Variants in CKMT2 observed in about 807,000 individuals in gnomAD.
CKMT2 encodes the protein creatine kinase S-type, mitochondrial.
A neutral mutation model predicts 48.9 loss-of-function variants in CKMT2; 43 were observed. The ratio of observed to expected loss-of-function variants is 0.88; its 90% CI spans 0.69 to 1.13. The LOEUF (loss-of-function observed/expected upper bound fraction) is 1.13. CKMT2 is among the 50% of genes most tolerant of loss of function. CKMT2 has a pLI of 0.00. For synonymous variants in CKMT2, 206 were observed against 213.0 expected (o/e 0.97, Z 0.29); for missense variants, 472 against 555.4 (o/e 0.85, Z 1.51).
At chr5:81,260,498 A>G (rs746329664) in intron 8 of CKMT2, among the ~76,000 whole-genome samples, 2 of 152,218 alleles carry the variant, frequency 1.3e-5, no homozygotes, top group Non-Finnish European at 2.9e-5. Context: ...AGAGAGAAGA[A>G]TCAAACAGAC....
intron 2 of CKMT2, 110 bp from the exon 3 acceptor site, chr5:81,252,585 G>T: frequency 9.2e-7 from 1 of 1,084,538 alleles, no homozygotes. Flanking sequence ...GTATCCCTGT[G>T]CCCACTGGCT....
At chr5:81,244,500 T>A (rs1385666173) in intron 1 of CKMT2, among the ~76,000 whole-genome samples, 1 of 152,204 alleles carries the variant, frequency 6.6e-6, no homozygotes, top group Non-Finnish European at 1.5e-5. Flanking sequence ...CATTGGAGCC[T>A]CTACACTACA....
rs1236564555 is a variant in CKMT2, at chr5:81,259,267, G to T, written c.1014+13G>T. On this transcript the variant is annotated intron_variant, in intron 8 of 9. Transcript: ENST00000254035. ...AAAGCTCAGCAAGGTACTGTTATGT[G>T]CCCAGTGGCCCTGATGGGCCAGGAT... 2.5e-6 allele frequency: 4 copies of T among 1,609,416 alleles called. No individual in the cohort carries two copies. Among genetic ancestry groups the T allele is most frequent in the Non-Finnish European group, 3.4e-6 (4 of 1,177,818 alleles).
intron 2 of CKMT2, 21 bp from the exon 3 acceptor site, chr5:81,252,674 C>A: frequency 6.2e-7 from 1 of 1,612,686 alleles, no homozygotes; most frequent in Non-Finnish European, 8.5e-7. Flanking sequence ...TGGCTGACAG[C>A]CTGCCCTCCT....
At chr5:81,238,722 C>G (rs1756333091) in intron 1 of CKMT2, 1 of 152,478 alleles carries the variant, frequency 6.6e-6, no homozygotes, top group South Asian at 2.1e-4. Flanking sequence ...TCCACTGTAT[C>G]TGGAAAGTCC....
chr5:81,258,318 G>A (rs146950190), intron 7 of CKMT2, among the ~76,000 whole-genome samples: 181 of 152,270 alleles, frequency 1.2e-3, no homozygotes, highest in South Asian at 9.7e-3. Flanking sequence ...AAGCTATTAC[G>A]CTTACTTCCC....
chr5:81,262,830 A>G (rs145737908), intron 8 of CKMT2, among the ~76,000 whole-genome samples: 2,462 of 152,350 alleles, frequency 0.016, 34 homozygotes, highest in Middle Eastern at 0.027. Flanking sequence ...ATTACTGGGT[A>G]TATACCCAAA....
rs766160263 is a variant in CKMT2, at chr5:81,255,058, C to G, written c.513C>G (p.Ile171Met). 1.2e-6 allele frequency: 2 copies of G among 1,613,978 alleles called. No individual in the cohort carries two copies. Among genetic ancestry groups the G allele is most frequent in the Non-Finnish European group, 1.7e-6 (2 of 1,180,002 alleles). The change falls in exon 5 of 10, where the codon ATC becomes ATG. Residue 171 changes from isoleucine to methionine, a missense_variant. Transcript: ENST00000254035. Reference protein sequence around the residue: ...LSSRVRTGRSIRGLSLPPACT... With the variant: ...LSSRVRTGRSMRGLSLPPACT... ...CTCGGGTGCGCACTGGCCGCAGCAT[C>G]CGTGGGCTGAGCCTGCCTCCAGCCT...
Position 81,255,073 on chromosome 5 carries a change from G to T in CKMT2, c.528G>T (p.Leu176=). 1.9e-6 allele frequency: 3 copies of T among 1,614,026 alleles called. No homozygotes were observed. Among genetic ancestry groups the T allele is most frequent in the Non-Finnish European group, 2.5e-6 (3 of 1,179,996 alleles). ...GCCGCAGCATCCGTGGGCTGAGCCT[G>T]CCTCCAGCCTGCACCCGGGCCGAGC... is the stretch of plus-strand genomic sequence containing the variant. ...RTGRSIRGLS[L]PPACTRAERR... Residue 176 remains leucine, a synonymous_variant, in exon 5 of 10, where the codon CTG becomes CTT. Transcript: ENST00000254035.
Position 81,257,831 on chromosome 5 carries a change from A to G in CKMT2, c.854A>G (p.Glu285Gly). 1.9e-6 allele frequency: 3 copies of G among 1,613,748 alleles called. No homozygotes were observed. The highest frequency in any genetic ancestry group is 2.5e-6 in the Non-Finnish European group (3 of 1,179,724). The change falls in exon 7 of 10, where the codon GAG becomes GGG. Residue 285 changes from glutamate to glycine, a missense_variant. By Grantham distance (98) the Glu-to-Gly change is moderately conservative. Coordinates refer to ENST00000254035, the MANE Select transcript of CKMT2 (RefSeq NM_001099735.2). ...GGAGGCAATATGAAACGAGTATTTG[A>G]GCGATTCTGTCGTGGACTAAAAGAA... is the stretch of plus-strand genomic sequence containing the variant. ...EKGGNMKRVF[E>G]RFCRGLKEVE...
At chr5:81,235,416 C>T (rs1363760669) in intron 1 of CKMT2, among the ~76,000 whole-genome samples, 1 of 152,184 alleles carries the variant, frequency 6.6e-6, no homozygotes, top group Non-Finnish European at 1.5e-5. Context: ...CAAGGACATC[C>T]TCTGTTTTGG....
chr5:81,240,275 C>A (rs116230059), intron 1 of CKMT2, among the ~76,000 whole-genome samples: 32 of 152,290 alleles, frequency 2.1e-4, no homozygotes, highest in African/African-American at 7.5e-4. Flanking sequence ...TACTTAGCCT[C>A]CCCTCGGCAT....
rs547545347 is a variant in CKMT2, at chr5:81,257,823, A to G, written c.846A>G (p.Arg282=). 17 of 1,613,810 alleles carry G rather than the reference A, an allele frequency of 1.1e-5. No homozygotes were observed. The South Asian group carries it at 1.5e-4, about 15-fold the overall frequency. ...ISMEKGGNMK[R]VFERFCRGLK... ...TGGAAAAAGGAGGCAATATGAAACG[A>G]GTATTTGAGCGATTCTGTCGTGGAC... Residue 282 remains arginine, a synonymous_variant, in exon 7 of 10, where the codon CGA becomes CGG. Transcript: ENST00000254035.
chr5:81,247,403 A>G (rs936296948), intron 1 of CKMT2, among the ~76,000 whole-genome samples: 2 of 152,162 alleles, frequency 1.3e-5, no homozygotes, highest in African/African-American at 4.8e-5. Context: ...CTTATGCCAC[A>G]TGTTATCATG....
chr5:81,242,203 T>A (rs2277036), intron 1 of CKMT2: 105,527 of 234,996 alleles, frequency 0.45, 25,038 homozygotes, highest in African/African-American at 0.59. Context: ...CAGAACTGAG[T>A]GTCTCACTTG....
intron 1 of CKMT2, among the ~76,000 whole-genome samples, chr5:81,248,260 G>T (rs529683349): frequency 2.0e-5 from 3 of 152,340 alleles, no homozygotes; most frequent in African/African-American, 7.2e-5. Flanking sequence ...GTCAATCCCA[G>T]AAAGGAACAT....
At chr5:81,257,061 C>T (rs1395470473) in intron 6 of CKMT2, 61 bp downstream of exon 6, 2 of 1,375,658 alleles carry the variant, frequency 1.5e-6, no homozygotes, top group East Asian at 4.6e-5. Flanking sequence ...AGATCACCTG[C>T]TTATCCTAAC....
At chr5:81,257,300 AG>A (rs1757047361) in intron 6 of CKMT2, among the ~76,000 whole-genome samples, 1 of 152,166 alleles carries the variant, frequency 6.6e-6, no homozygotes, top group Admixed American at 6.5e-5. Flanking sequence ...AGGGATGGAC[AG>A]GCAGGATCCA....
chr5:81,234,719 G>A (rs1188971664), intron 1 of CKMT2, among the ~76,000 whole-genome samples: 1 of 152,170 alleles, frequency 6.6e-6, no homozygotes, highest in African/African-American at 2.4e-5. Context: ...GCCATAGGCA[G>A]GTCAGTTTTC....
Sources: allele counts gnomAD v4.1 joint callset (sites outside exome capture counted in the v4.1 genomes callset), GRCh38; gene constraint gnomAD v4.1.1; transcripts MANE v1.5; gene names NCBI Gene and HGNC (gene_info 2026-07-23, HGNC 2026-07-21).